Variants in CSGALNACT1 observed in about 807,000 individuals in gnomAD.
CSGALNACT1 encodes chondroitin sulfate N-acetylgalactosaminyltransferase 1.
A neutral mutation model predicts 51.0 loss-of-function variants in CSGALNACT1; 52 were observed. That is an observed-to-expected ratio of 1.02 (90% CI 0.82 to 1.29). The LOEUF (loss-of-function observed/expected upper bound fraction) is 1.29. CSGALNACT1 is among the 50% of genes most tolerant of loss of function. CSGALNACT1 has a pLI of 0.00. For synonymous variants in CSGALNACT1, 341 were observed against 254.4 expected, an observed-to-expected ratio of 1.34 and a Z score of -3.24; for missense variants, 935 against 679.2, an observed-to-expected ratio of 1.38 and a Z score of -4.19.
intron 1 of CSGALNACT1, among the ~76,000 whole-genome samples, chr8:19,679,986 C>T (rs1399086071): frequency 6.6e-6 from 1 of 152,118 alleles, no homozygotes; most frequent in African/African-American, 2.4e-5. Flanking sequence ...ACAAAGCACC[C>T]TTCCAGTAGC....
At chr8:19,433,048 C>T (rs147608471) in intron 6 of CSGALNACT1, among the ~76,000 whole-genome samples, 1 of 152,052 alleles carries the variant, frequency 6.6e-6, no homozygotes, top group Non-Finnish European at 1.5e-5. Context: ...TTATGGTAAG[C>T]CTAGAAAGTA....
intron 1 of CSGALNACT1, among the ~76,000 whole-genome samples, chr8:19,669,249 C>A (rs2059606701): frequency 6.6e-6 from 1 of 152,122 alleles, no homozygotes; most frequent in South Asian, 2.1e-4. Context: ...GACATGCAAC[C>A]ACAGAAGAGG....
intron 1 of CSGALNACT1, among the ~76,000 whole-genome samples, chr8:19,653,412 C>A (rs918655006): frequency 5.3e-5 from 8 of 152,154 alleles, no homozygotes; most frequent in African/African-American, 1.9e-4. Context: ...TTCTCATGGC[C>A]TGTTGTGTGC....
intron 1 of CSGALNACT1, among the ~76,000 whole-genome samples, chr8:19,621,812 C>T (rs1420868350): frequency 6.6e-6 from 1 of 152,154 alleles, no homozygotes; most frequent in African/African-American, 2.4e-5. Context: ...TAAAACAACA[C>T]ATCATTCACT....
At chr8:19,584,037 A>G (rs1342825889) in intron 3 of CSGALNACT1, among the ~76,000 whole-genome samples, 1 of 152,194 alleles carries the variant, frequency 6.6e-6, no homozygotes. Context: ...TGCTACATTC[A>G]TAGACTCAGC....
At chr8:19,455,358 C>CA (rs1732210904) in intron 5 of CSGALNACT1, among the ~76,000 whole-genome samples, 1 of 152,172 alleles carries the variant, frequency 6.6e-6, no homozygotes, top group Non-Finnish European at 1.5e-5. Flanking sequence ...TCAGTGTCAA[C>CA]CACAGTTCAC....
chr8:19,676,171 T>C (rs1368124484), intron 1 of CSGALNACT1, among the ~76,000 whole-genome samples: 1 of 145,760 alleles, frequency 6.9e-6, no homozygotes, highest in African/African-American at 2.5e-5. Flanking sequence ...TTCAGGACAA[T>C]GCAAAATTAC....
At chr8:19,687,973 T>TA (rs1386678823) in intron 1 of CSGALNACT1, among the ~76,000 whole-genome samples, 6 of 152,210 alleles carry the variant, frequency 3.9e-5, no homozygotes, top group Non-Finnish European at 7.3e-5. Context: ...ATCAGTTTCT[T>TA]ACATCCGTGT....
At chr8:19,429,784 C>T (rs2059369872) in intron 6 of CSGALNACT1, among the ~76,000 whole-genome samples, 1 of 152,164 alleles carries the variant, frequency 6.6e-6, no homozygotes, top group South Asian at 2.1e-4. Flanking sequence ...CTACGTTTAA[C>T]CATGTAAGGA....
At chr8:19,519,656 C>T (rs527646279) in intron 3 of CSGALNACT1, among the ~76,000 whole-genome samples, 1 of 152,338 alleles carries the variant, frequency 6.6e-6, no homozygotes, top group East Asian at 1.9e-4. Flanking sequence ...ATGTGACACT[C>T]TCCCTCCTCT....
intron 1 of CSGALNACT1, among the ~76,000 whole-genome samples, chr8:19,698,607 A>G (rs1174214357): frequency 1.3e-5 from 2 of 152,224 alleles, no homozygotes; most frequent in East Asian, 3.8e-4. Context: ...ATACTGCTTT[A>G]AAACTTACCT....
chr8:19,434,029 C>T (rs1715525320), intron 6 of CSGALNACT1, among the ~76,000 whole-genome samples: 1 of 152,166 alleles, frequency 6.6e-6, no homozygotes, highest in Admixed American at 6.5e-5. Context: ...CAAGTTAAAC[C>T]TCCATAAAGC....
chr8:19,628,393 G>C (rs2054729171), intron 1 of CSGALNACT1, among the ~76,000 whole-genome samples: 1 of 152,206 alleles, frequency 6.6e-6, no homozygotes, highest in Non-Finnish European at 1.5e-5. Context: ...TATGAGAATA[G>C]CATGAGGGAA....
rs201836569 is a variant in CSGALNACT1 at position 19,553,640 on chromosome 8, A to ATATAT, written c.-297+37519_-297+37520insATATA. Among the ~76,000 whole-genome samples the ATATAT allele has an allele frequency of 4.3e-3, 505 of 116,952 alleles. 29 individuals carry two copies. Among genetic ancestry groups the ATATAT allele is most frequent in the Middle Eastern group, 0.033 (7 of 210 alleles). 76.7% of individuals were successfully genotyped at this position (116,952 alleles called of 152,430 possible). On this transcript the variant is annotated intron_variant, in intron 3 of 9. Coordinates refer to ENST00000454498, the Ensembl canonical transcript of CSGALNACT1. The stretch of plus-strand genomic sequence containing the variant: ...AAATACATATATATATATATATATA[A>ATATAT]AAAAATATGTCAGCCTTTCTATTAC...
At chr8:19,583,435 GA>G (rs1304671063) in intron 3 of CSGALNACT1, among the ~76,000 whole-genome samples, 3 of 152,082 alleles carry the variant, frequency 2.0e-5, no homozygotes, top group African/African-American at 7.2e-5. Context: ...GTCTTGAGAA[GA>G]AAAAATCCTA....
At chr8:19,418,865 T>A (rs1585547026) in intron 7 of CSGALNACT1, 115 bp from the exon 7 acceptor site, 13 of 744,082 alleles carry the variant, frequency 1.7e-5, no homozygotes, top group African/African-American at 1.2e-4. Flanking sequence ...TTTTTTTTCT[T>A]TGAGAGGCAG....
intron 1 of CSGALNACT1, among the ~76,000 whole-genome samples, chr8:19,706,130 G>T (rs562574115): frequency 6.6e-6 from 1 of 152,092 alleles, no homozygotes; most frequent in Non-Finnish European, 1.5e-5. Flanking sequence ...AAAGCAAATA[G>T]CATGCAAGGA....
rs375796447 is a variant in CSGALNACT1 at position 19,615,172 on chromosome 8, C to T, written c.-543-13307G>A. The stretch of plus-strand genomic sequence containing the variant: ...TACAAAAATTAACCAGGCATGCTGG[C>T]GTGCACCTGTAATCCCAGCTACTCG... On this transcript the variant is annotated intron_variant, in intron 1 of 9. Transcript: ENST00000332246. Among the ~76,000 whole-genome samples, 10 of 152,278 alleles carry T rather than the reference C, an allele frequency of 6.6e-5. No individual in the cohort carries two copies. In the South Asian group the frequency reaches 1.7e-3, roughly 25 times the overall value.
chr8:19,539,879 G>T (rs967258083), intron 3 of CSGALNACT1, among the ~76,000 whole-genome samples: 1 of 152,194 alleles, frequency 6.6e-6, no homozygotes, highest in African/African-American at 2.4e-5. Flanking sequence ...GAGGGGGACA[G>T]GAGGGGAGAT....
Sources: allele counts gnomAD v4.1 joint callset (sites outside exome capture counted in the v4.1 genomes callset), GRCh38; gene constraint gnomAD v4.1.1; transcripts MANE v1.5; gene names NCBI Gene and HGNC (gene_info 2026-07-23, HGNC 2026-07-21).